Variants in NELL1 observed in about 807,000 individuals in gnomAD.
The protein encoded by NELL1 is protein kinase C-binding protein NELL1.
NELL1 carries 76 observed loss-of-function variants against 107.4 expected under a neutral mutation model. The observed-to-expected ratio is 0.71, with a 90% CI of 0.59 to 0.86. The LOEUF (loss-of-function observed/expected upper bound fraction) is 0.86. Ranked by LOEUF, NELL1 falls within the 40% of genes least tolerant of loss-of-function variation. The pLI, the probability that NELL1 is intolerant of heterozygous loss-of-function variation, is 0.00. For synonymous variants in NELL1, 353 were observed against 341.2 expected, an observed-to-expected ratio of 1.03 and a Z score of -0.38; for missense variants, 1,024 against 1,005.5, an observed-to-expected ratio of 1.02 and a Z score of -0.25.
chr11:21,017,335 A>T (rs1302069860), intron 12 of NELL1, among the ~76,000 whole-genome samples: 1 of 152,102 alleles, frequency 6.6e-6, no homozygotes, highest in Non-Finnish European at 1.5e-5. Flanking sequence ...CTTCCTGGAG[A>T]TTCTTAAAAC....
At chr11:20,790,724 G>A (rs1382204784) in intron 3 of NELL1, among the ~76,000 whole-genome samples, 1 of 152,008 alleles carries the variant, frequency 6.6e-6, no homozygotes, top group African/African-American at 2.4e-5. Flanking sequence ...GCTCTACGGG[G>A]CAGGAGGCCT....
chr11:20,911,067 A>T (rs187309170), intron 5 of NELL1, among the ~76,000 whole-genome samples: 2 of 152,292 alleles, frequency 1.3e-5, no homozygotes, highest in East Asian at 3.9e-4. Context: ...AGTTATGAGG[A>T]TATGATTAAG....
At chr11:21,063,544 C>A (rs1853796255) in intron 12 of NELL1, among the ~76,000 whole-genome samples, 1 of 152,156 alleles carries the variant, frequency 6.6e-6, no homozygotes, top group East Asian at 1.9e-4. Context: ...AGCATAAACA[C>A]ATGTGTGATA....
chr11:21,365,277 C>T (rs561541660), intron 14 of NELL1, among the ~76,000 whole-genome samples: 16 of 152,222 alleles, frequency 1.1e-4, no homozygotes, highest in Non-Finnish European at 1.9e-4. Context: ...ACATTATCTG[C>T]GCATAGTAGG....
At chr11:21,278,312 A>G (rs1004528476) in intron 14 of NELL1, among the ~76,000 whole-genome samples, 2 of 152,156 alleles carry the variant, frequency 1.3e-5, no homozygotes, top group Non-Finnish European at 2.9e-5. Context: ...AAAATAAAAT[A>G]AAAGGTGTAG....
intron 14 of NELL1, among the ~76,000 whole-genome samples, chr11:21,283,151 T>A (rs997652979): frequency 3.3e-5 from 5 of 152,118 alleles, no homozygotes; most frequent in Non-Finnish European, 7.4e-5. Context: ...TTTGTGTACA[T>A]TTTTAAATAA....
At chr11:21,571,018 T>C in intron 18 of NELL1, 78 bp downstream of exon 18, 1 of 1,351,252 alleles carries the variant, frequency 7.4e-7, no homozygotes, top group Non-Finnish European at 1.0e-6. Context: ...TGGGACCTAG[T>C]TCCCAGTTTT....
intron 5 of NELL1, among the ~76,000 whole-genome samples, chr11:20,895,513 T>TTC (rs1183364544): frequency 7.3e-6 from 1 of 137,858 alleles, no homozygotes; most frequent in Non-Finnish European, 1.6e-5. Flanking sequence ...CCTTTTTTTT[T>TTC]TTTTTTTTTT....
chr11:21,404,008 C>CCA lies in NELL1; in HGVS notation c.1645+33061_1645+33062insAC, dbSNP rs1554905740. Among the ~76,000 whole-genome samples the CCA allele has an allele frequency of 7.8e-4, 78 of 99,652 alleles. 7 individuals carry two copies. In the South Asian group the frequency reaches 0.013, roughly 17 times the overall value. 65.4% of individuals were successfully genotyped at this position (99,652 alleles called of 152,430 possible). On this transcript the variant is annotated intron_variant, in intron 15 of 19. Coordinates refer to ENST00000357134, the MANE Select transcript of NELL1 (RefSeq NM_006157.5). ...AAAATATCTCTGTCATTCCTGAACCCCCCCCCCCGCAATCAAAACCACTGG... is the reference window on the plus strand; with the variant it reads ...AAAATATCTCTGTCATTCCTGAACCCCACCCCCCCCGCAATCAAAACCACTGG...
intron 5 of NELL1, among the ~76,000 whole-genome samples, chr11:20,909,067 A>G (rs1291504411): frequency 6.6e-6 from 1 of 152,210 alleles, no homozygotes; most frequent in Non-Finnish European, 1.5e-5. Context: ...ATGTGAAGGA[A>G]CCATGCACAA....
intron 14 of NELL1, among the ~76,000 whole-genome samples, chr11:21,272,351 G>A (rs890435111): frequency 1.3e-5 from 2 of 152,220 alleles, no homozygotes; most frequent in African/African-American, 2.4e-5. Flanking sequence ...AGTGAGGCCG[G>A]GGGAGGGGGC....
intron 15 of NELL1, among the ~76,000 whole-genome samples, chr11:21,392,624 C>A (rs938857592): frequency 6.6e-6 from 1 of 151,654 alleles, no homozygotes; most frequent in Non-Finnish European, 1.5e-5. Context: ...GAAACTGTTT[C>A]TTTCCCATAG....
intron 2 of NELL1, among the ~76,000 whole-genome samples, chr11:20,684,504 A>G (rs1365878961): frequency 2.6e-5 from 4 of 152,110 alleles, no homozygotes; most frequent in Non-Finnish European, 4.4e-5. Context: ...GAATATATGA[A>G]TACAGTTCTA....
At chr11:20,941,750 C>T (rs148150729) in intron 10 of NELL1, among the ~76,000 whole-genome samples, 2 of 152,232 alleles carry the variant, frequency 1.3e-5, no homozygotes, top group African/African-American at 2.4e-5. Flanking sequence ...GAACGCGAGG[C>T]CTAGGTATTT....
intron 2 of NELL1, among the ~76,000 whole-genome samples, chr11:20,731,306 G>C (rs1590241512): frequency 6.6e-6 from 1 of 152,236 alleles, no homozygotes; most frequent in African/African-American, 2.4e-5. Flanking sequence ...CTGAGGTTCT[G>C]TTGCACAAAT....
intron 13 of NELL1, among the ~76,000 whole-genome samples, chr11:21,204,568 C>T (rs1463361533): frequency 6.6e-6 from 1 of 151,964 alleles, no homozygotes; most frequent in Non-Finnish European, 1.5e-5. Context: ...GCTCCTTTAG[C>T]TCGGAGGAGT....
At chr11:20,735,587 C>T (rs1390289373) in intron 2 of NELL1, among the ~76,000 whole-genome samples, 4 of 152,158 alleles carry the variant, frequency 2.6e-5, no homozygotes, top group African/African-American at 9.7e-5. Context: ...AACTACAATT[C>T]AAGATGAGAT....
intron 14 of NELL1, among the ~76,000 whole-genome samples, chr11:21,309,289 T>TATATATATATATA (rs1565160477): frequency 1.8e-5 from 2 of 112,870 alleles, no homozygotes; most frequent in Non-Finnish European, 3.5e-5. Context: ...TGTATATATA[T>TATATATATATATA]ATATATATAT....
intron 12 of NELL1, among the ~76,000 whole-genome samples, chr11:21,072,813 C>G (rs1481088998): frequency 6.6e-6 from 1 of 152,164 alleles, no homozygotes; most frequent in African/African-American, 2.4e-5. Context: ...GTCTTAGAAG[C>G]AAAACATTTC....
Sources: allele counts gnomAD v4.1 joint callset (sites outside exome capture counted in the v4.1 genomes callset), GRCh38; gene constraint gnomAD v4.1.1; transcripts MANE v1.5; gene names NCBI Gene and HGNC (gene_info 2026-07-23, HGNC 2026-07-21).